DLG2: variants seen among roughly 807,000 people sequenced by gnomAD.
DLG2 encodes the protein discs large MAGUK scaffold protein 2, also known as disks large homolog 2.
Under a neutral mutation model 132.5 loss-of-function variants are expected in DLG2, and 45 were observed. The ratio of observed to expected loss-of-function variants is 0.34; its 90% CI spans 0.27 to 0.44. DLG2 has a LOEUF of 0.44. Ranked by LOEUF, DLG2 falls within the 20% of genes least tolerant of loss-of-function variation. DLG2 has a pLI of 1.00. For missense variants in DLG2, 1,045 were observed against 1,196.9 expected (o/e 0.87, Z 1.87); for synonymous variants, 424 against 419.6 (o/e 1.01, Z -0.13).
chr11:84,287,619 C>T (rs545407113), intron 7 of DLG2, among the ~76,000 whole-genome samples: 5 of 151,936 alleles, frequency 3.3e-5, no homozygotes, highest in South Asian at 2.1e-4. Flanking sequence ...GTCAGTGTTG[C>T]GTAAGTCTCT....
intron 6 of DLG2, among the ~76,000 whole-genome samples, chr11:85,029,244 A>G (rs1464582607): frequency 1.3e-5 from 2 of 151,908 alleles, no homozygotes; most frequent in Non-Finnish European, 2.9e-5. Flanking sequence ...CACATAGATG[A>G]AACAACGTAA....
At chr11:85,458,217 C>T (rs2092482275) in intron 3 of DLG2, among the ~76,000 whole-genome samples, 1 of 152,020 alleles carries the variant, frequency 6.6e-6, no homozygotes, top group Non-Finnish European at 1.5e-5. Context: ...CTCAGATTGG[C>T]CTATTCTCCT....
At chr11:84,736,450 G>C (rs893237503) in intron 6 of DLG2, among the ~76,000 whole-genome samples, 4 of 151,770 alleles carry the variant, frequency 2.6e-5, no homozygotes, top group Admixed American at 2.6e-4. Context: ...GTGTGGAATT[G>C]TGTTGAATCT....
intron 6 of DLG2, among the ~76,000 whole-genome samples, chr11:84,886,843 T>C (rs1411947986): frequency 6.6e-6 from 1 of 152,188 alleles, no homozygotes; most frequent in Non-Finnish European, 1.5e-5. Context: ...AGCATGCTAA[T>C]GCATAATTCT....
At chr11:84,747,976 A>G (rs1007046368) in intron 6 of DLG2, among the ~76,000 whole-genome samples, 2 of 152,182 alleles carry the variant, frequency 1.3e-5, no homozygotes, top group African/African-American at 4.8e-5. Context: ...GCCGAGTGCC[A>G]TATTTCCTCT....
chr11:84,473,323 G>A (rs1042184769), intron 7 of DLG2, among the ~76,000 whole-genome samples: 10 of 151,898 alleles, frequency 6.6e-5, no homozygotes, highest in African/African-American at 2.2e-4. Flanking sequence ...AATTGCCTAG[G>A]TGAATCTAAC....
chr11:84,490,697 G>GT (rs1261095914), intron 7 of DLG2, among the ~76,000 whole-genome samples: 1 of 148,040 alleles, frequency 6.8e-6, no homozygotes, highest in Non-Finnish European at 1.5e-5. Context: ...AGATCTAAAT[G>GT]TGTTTTGGTA....
At position 84,561,847 on chromosome 11, in the gene DLG2, C is replaced by A. The variant is rs551321498; in HGVS notation, c.358-27116G>T. Among the ~76,000 whole-genome samples, 62 of 152,140 alleles carry A rather than the reference C, an allele frequency of 4.1e-4. No homozygotes were observed. The South Asian group carries it at 0.012, about 30-fold the overall frequency. On this transcript the variant is annotated intron_variant, in intron 6 of 27. Transcript: ENST00000376104. ...TAATTTGAAGATTTAAAATTGACTT[C>A]TTTTTTTAACTTCCTAAGTACTGAT... is the stretch of plus-strand genomic sequence containing the variant.
At chr11:83,751,310 T>C (rs1335182122) in intron 18 of DLG2, among the ~76,000 whole-genome samples, 2 of 152,202 alleles carry the variant, frequency 1.3e-5, no homozygotes, top group Middle Eastern at 3.4e-3. Context: ...GAAGAGTAGC[T>C]AGAAACGAAG....
intron 10 of DLG2, among the ~76,000 whole-genome samples, chr11:84,085,392 C>A (rs1293904082): frequency 6.6e-6 from 1 of 152,082 alleles, no homozygotes; most frequent in Non-Finnish European, 1.5e-5. Context: ...AAAACAAATG[C>A]CTTATCACCA....
At chr11:83,995,144 T>G (rs912973196) in intron 11 of DLG2, among the ~76,000 whole-genome samples, 1 of 152,118 alleles carries the variant, frequency 6.6e-6, no homozygotes, top group African/African-American at 2.4e-5. Context: ...GCAATTCAAC[T>G]CATAATACTG....
At chr11:84,843,275 C>A (rs1005905898) in intron 6 of DLG2, among the ~76,000 whole-genome samples, 3 of 149,068 alleles carry the variant, frequency 2.0e-5, no homozygotes, top group African/African-American at 7.5e-5. Flanking sequence ...ATCAATTACA[C>A]CTTAATAGTA....
chr11:85,061,974 C>T (rs1157068750), intron 6 of DLG2, among the ~76,000 whole-genome samples: 1 of 151,630 alleles, frequency 6.6e-6, no homozygotes, highest in Non-Finnish European at 1.5e-5. Flanking sequence ...ATTTTACACT[C>T]GCATGGCTCA....
At chr11:85,514,228 A>G (rs901156389) in intron 3 of DLG2, among the ~76,000 whole-genome samples, 2 of 152,026 alleles carry the variant, frequency 1.3e-5, no homozygotes, top group African/African-American at 4.8e-5. Flanking sequence ...TAAGATAGAT[A>G]CTAGTATCCC....
rs2095653650 is a variant in DLG2, at chr11:84,030,175, C to CT, written c.919+29139dup. On this transcript the variant is annotated intron_variant, in intron 11 of 27. Coordinates refer to ENST00000376104, the MANE Select transcript of DLG2 (RefSeq NM_001142699.3). ...ATTGTATGACCTTCTAGTAACTTAA[C>CT]TTTTCTGGGACCAATTTTCCTCAAT... Among the ~76,000 whole-genome samples, 4 of 152,070 alleles carry CT rather than the reference C, an allele frequency of 2.6e-5. No individual in the cohort carries two copies. The South Asian group carries it at 8.3e-4, about 31-fold the overall frequency.
At chr11:84,404,350 C>G (rs886903095) in intron 7 of DLG2, among the ~76,000 whole-genome samples, 2 of 152,116 alleles carry the variant, frequency 1.3e-5, no homozygotes, top group African/African-American at 4.8e-5. Context: ...TTCTACTCAG[C>G]CTTCAAAACT....
chr11:83,787,823 A>C (rs2040440914), intron 17 of DLG2, among the ~76,000 whole-genome samples: 1 of 152,230 alleles, frequency 6.6e-6, no homozygotes, highest in Non-Finnish European at 1.5e-5. Context: ...ACTCAAATTT[A>C]ATAAGAAGAA....
At chr11:85,582,559 T>C (rs2078598646) in intron 3 of DLG2, among the ~76,000 whole-genome samples, 1 of 149,806 alleles carries the variant, frequency 6.7e-6, no homozygotes, top group South Asian at 2.1e-4. Flanking sequence ...CACGGTGGCT[T>C]ATTCCTATAA....
intron 7 of DLG2, among the ~76,000 whole-genome samples, chr11:84,399,650 C>T (rs554201445): frequency 1.3e-4 from 20 of 152,162 alleles, no homozygotes; most frequent in African/African-American, 2.7e-4. Context: ...CCCCTTACCT[C>T]GGGTTATCCA....
Sources: allele counts gnomAD v4.1 joint callset (sites outside exome capture counted in the v4.1 genomes callset), GRCh38; gene constraint gnomAD v4.1.1; transcripts MANE v1.5; gene names NCBI Gene and HGNC (gene_info 2026-07-23, HGNC 2026-07-21).